DELE1: variants seen among roughly 807,000 people sequenced by gnomAD.
The protein encoded by DELE1 is death ligand signal enhancer.
DELE1 carries 54 observed loss-of-function variants against 59.3 expected under a neutral mutation model. The ratio of observed to expected loss-of-function variants is 0.91; its 90% CI spans 0.73 to 1.14. DELE1 has a LOEUF of 1.14. Ranked by LOEUF, DELE1 falls within the 50% of genes most tolerant of loss-of-function variation. DELE1 has a pLI of 0.00. For missense variants in DELE1, 636 were observed against 643.9 expected (o/e 0.99, Z 0.13); for synonymous variants, 264 against 259.1 (o/e 1.02, Z -0.18).
intron 3 of DELE1, 63 bp downstream of exon 3, chr5:141,925,590 T>A (rs1751337180): frequency 2.0e-6 from 2 of 1,017,264 alleles, no homozygotes; most frequent in African/African-American, 1.7e-5. Context: ...TTCATGGGTA[T>A]ACAGCCGAAC....
At chr5:141,932,582 C>T (rs575835252) in intron 7 of DELE1, among the ~76,000 whole-genome samples, 1 of 152,308 alleles carries the variant, frequency 6.6e-6, no homozygotes, top group East Asian at 1.9e-4. Flanking sequence ...CCTACAAGGG[C>T]TGTTTTCTCT....
In DELE1 at chr5:141,938,893, C is replaced by T. The variant is rs941863373; in HGVS notation, c.*134C>T. ...GAGTTCAGGTTCCCAAGCAATTTCA[C>T]GTACATGGCTGGTAAGTGACTGATC... On this transcript the variant is annotated 3_prime_UTR_variant, in exon 12 of 12. Transcript: ENST00000432126. 15 of 1,469,938 alleles carry T rather than the reference C, an allele frequency of 1.0e-5. No individual in the cohort carries two copies. Among genetic ancestry groups the T allele is most frequent in the East Asian group, 4.7e-5 (2 of 42,378 alleles). The allele number at this position is 1,469,938 out of a possible 1,614,324, so 91.1% of individuals were successfully genotyped here.
Position 141,940,983 on chromosome 5 carries a change from G to A in DELE1, c.*2224G>A, listed in dbSNP as rs907167493. Reference sequence around the variant, plus strand: ...ATTTGAGGTTCCAAGAAGTCCTCCAGTAAAGAACTTGGTTAACCCAATGTT... The same window carrying A: ...ATTTGAGGTTCCAAGAAGTCCTCCAATAAAGAACTTGGTTAACCCAATGTT... On this transcript the variant is annotated 3_prime_UTR_variant, in exon 12 of 12. Coordinates refer to ENST00000432126, the MANE Select transcript of DELE1 (RefSeq NM_014773.5). The A allele has an allele frequency of 4.2e-5, 41 of 981,760 alleles. No homozygotes were observed. The highest frequency in any genetic ancestry group is 4.8e-5 in the Non-Finnish European group (40 of 826,710). The allele number at this position is 981,760 out of a possible 1,614,324, so 60.8% of individuals were successfully genotyped here.
rs779197079 is a variant in DELE1 at position 141,930,094 on chromosome 5, A to G, written c.657+20A>G. 4 of 1,612,764 alleles carry G rather than the reference A, an allele frequency of 2.5e-6. No homozygotes were observed. Among genetic ancestry groups the G allele is most frequent in the Non-Finnish European group, 2.5e-6 (3 of 1,178,938 alleles). On this transcript the variant is annotated intron_variant, in intron 6 of 11. Coordinates refer to ENST00000432126, the MANE Select transcript of DELE1 (RefSeq NM_014773.5). ...GAAAAGGTATTATCCAGATTTGGCC[A>G]CCTGGATCCCCATAACATTCTCTTG... is the stretch of plus-strand genomic sequence containing the variant.
rs930072863 is a variant in DELE1 at position 141,938,866 on chromosome 5, G to A, written c.*107G>A. 11 of 1,494,228 alleles carry A rather than the reference G, an allele frequency of 7.4e-6. No individual in the cohort carries two copies. The highest frequency in any genetic ancestry group is 2.7e-5 in the South Asian group (2 of 74,026). 92.6% of individuals were successfully genotyped at this position (1,494,228 alleles called of 1,614,324 possible). A position where few individuals can be genotyped will look rare whatever the true frequency, so the allele number is the denominator to read the frequency against. Reference sequence around the variant, plus strand: ...ACCCTTTCCAGGTAGAAATTCCAGCGGGAGTTCAGGTTCCCAAGCAATTTC... The same window carrying A: ...ACCCTTTCCAGGTAGAAATTCCAGCAGGAGTTCAGGTTCCCAAGCAATTTC... On this transcript the variant is annotated 3_prime_UTR_variant, in exon 12 of 12. Transcript: ENST00000432126.
In DELE1 at chr5:141,939,353, C is replaced by G; in HGVS notation, c.*594C>G. The G allele has an allele frequency of 1.1e-6, 1 of 927,456 alleles. No individual in the cohort carries two copies. Among genetic ancestry groups the G allele is most frequent in the Non-Finnish European group, 1.3e-6 (1 of 777,070 alleles). 57.5% of individuals were successfully genotyped at this position (927,456 alleles called of 1,614,324 possible). A position where few individuals can be genotyped will look rare whatever the true frequency, so the allele number is the denominator to read the frequency against. ...ACATAACGTAAAAGTGGGCACAGAT[C>G]CAGAGAGGTAGCAAAAATCACAGGG... On this transcript the variant is annotated 3_prime_UTR_variant, in exon 12 of 12. Transcript: ENST00000432126.
At chr5:141,928,339 G>A (rs367773476) in intron 4 of DELE1, 41 bp downstream of exon 4, 54 of 1,590,436 alleles carry the variant, frequency 3.4e-5, no homozygotes, top group South Asian at 7.9e-5. Context: ...TGGGCTGGGC[G>A]TTTCTCTGGG....
chr5:141,941,502 T>C lies in DELE1; in HGVS notation c.*2743T>C. The C allele has an allele frequency of 1.0e-6, 1 of 985,474 alleles. No homozygotes were observed. The allele number at this position is 985,474 out of a possible 1,614,324, so 61.0% of individuals were successfully genotyped here. A position where few individuals can be genotyped will look rare whatever the true frequency, so the allele number is the denominator to read the frequency against. ...CTTCACTGGCAGAGCTGGGTACTGC[T>C]GTGCTTTTGCCATTAAAATTCTGTT... On this transcript the variant is annotated 3_prime_UTR_variant, in exon 12 of 12. Transcript: ENST00000432126.
intron 3 of DELE1, among the ~76,000 whole-genome samples, chr5:141,927,229 C>CTGTG (rs1182329340): frequency 2.0e-5 from 3 of 152,272 alleles, no homozygotes; most frequent in Admixed American, 6.5e-5. Flanking sequence ...CTGGGTCAAC[C>CTGTG]TGTGTGTTTT....
At chr5:141,936,456 A>G (rs1752361049) in intron 10 of DELE1, among the ~76,000 whole-genome samples, 1 of 152,144 alleles carries the variant, frequency 6.6e-6, no homozygotes, top group Admixed American at 6.5e-5. Context: ...TTTTTTTGAG[A>G]CGGAGTCTCA....
In DELE1 at chr5:141,924,586, C is replaced by A. The variant is rs369129396; in HGVS notation, c.37C>A (p.Pro13Thr). 9.3e-6 allele frequency: 15 copies of A among 1,606,312 alleles called. No individual in the cohort carries two copies. Among genetic ancestry groups the A allele is most frequent in the Non-Finnish European group, 1.3e-5 (15 of 1,173,004 alleles). Residue 13 changes from proline (P) to threonine (T), a missense_variant, in exon 2 of 12, where the codon CCC becomes ACC. Transcript: ENST00000432126. ...GTTTTGGTTGTTCTGTACAGCTCTT[C>A]CCCGTACACTGGGACCTAGCCTCTG... ...RLPGLLGRALPRTLGPSLWRV... is the reference protein window; with the variant it reads ...RLPGLLGRALTRTLGPSLWRV...
At position 141,928,314 on chromosome 5, in the gene DELE1, T is replaced by G. The variant is rs1751593591; in HGVS notation, c.412+16T>G. 2 of 1,612,356 alleles carry G rather than the reference T, an allele frequency of 1.2e-6. No homozygotes were observed. The highest frequency in any genetic ancestry group is 2.7e-5 in the African/African-American group (2 of 74,900). On this transcript the variant is annotated intron_variant, in intron 4 of 11. Coordinates refer to ENST00000432126, the MANE Select transcript of DELE1 (RefSeq NM_014773.5). The stretch of plus-strand genomic sequence containing the variant: ...CCATGCTCCTGTGAGTTCTCAGTCC[T>G]GGGGACAGGAGGGCTGGGCTGGGCG...
At chr5:141,931,246 G>C (rs1260465788) in intron 7 of DELE1, 1 of 152,210 alleles carries the variant, frequency 6.6e-6, no homozygotes, top group African/African-American at 2.4e-5. Flanking sequence ...CCTGAGGCAG[G>C]ATTGGATTTT....
At chr5:141,928,783 G>A (rs1011774251) in intron 4 of DELE1, among the ~76,000 whole-genome samples, 10 of 152,090 alleles carry the variant, frequency 6.6e-5, no homozygotes, top group African/African-American at 1.7e-4. Flanking sequence ...CTTCTGCCTC[G>A]GTTTCTTTAT....
intron 2 of DELE1, 39 bp downstream of exon 2, chr5:141,924,734 G>T: frequency 2.4e-6 from 3 of 1,255,708 alleles, no homozygotes; most frequent in South Asian, 1.3e-5. Context: ...TCCTCCCCTA[G>T]TCACCCTTTT....
intron 3 of DELE1, among the ~76,000 whole-genome samples, chr5:141,926,729 C>T (rs1195785008): frequency 1.3e-5 from 2 of 152,240 alleles, no homozygotes; most frequent in African/African-American, 4.8e-5. Flanking sequence ...CTATGGGGAG[C>T]TGTGGACTAA....
At chr5:141,930,563 C>T (rs1222799052) in intron 7 of DELE1, among the ~76,000 whole-genome samples, 1 of 152,232 alleles carries the variant, frequency 6.6e-6, no homozygotes, top group East Asian at 1.9e-4. Context: ...AGGATCACTC[C>T]TTCCCTTTAA....
Position 141,937,181 on chromosome 5 carries a change from G to A in DELE1, c.1150-17G>A. 6.2e-7 allele frequency: 1 copy of A among 1,613,834 alleles called. No individual in the cohort carries two copies. The highest frequency in any genetic ancestry group is 1.3e-5 in the African/African-American group (1 of 75,036). ...CCTGCATGTGTGTATCTGTTTGTCT[G>A]TCCATTTTCTCCTTAGGACTCACAG... On this transcript the variant is annotated splice_polypyrimidine_tract_variant and intron_variant, in intron 10 of 11. Coordinates refer to ENST00000432126, the MANE Select transcript of DELE1 (RefSeq NM_014773.5).
rs545511764 is a variant in DELE1 at position 141,936,239 on chromosome 5, A to G, written c.1150-959A>G. ...TTATAGGTAAGAAAACTGAGGCACC[A>G]TGAGGTAGAGTCACGTGCCTGAGTT... On this transcript the variant is annotated intron_variant, in intron 10 of 11. Coordinates refer to ENST00000432126, the MANE Select transcript of DELE1 (RefSeq NM_014773.5). Among the ~76,000 whole-genome samples the G allele has an allele frequency of 4.7e-4, 71 of 152,316 alleles. 1 individual carries two copies. In the South Asian group the frequency reaches 0.013, roughly 29 times the overall value.
Sources: gnomAD v4.1 joint callset for allele counts (sites outside exome capture counted in the v4.1 genomes callset) on GRCh38, gnomAD v4.1.1 for gene constraint, MANE v1.5 for transcripts, NCBI Gene and HGNC (gene_info 2026-07-23, HGNC 2026-07-21) for gene names.